The following PRKCA variants were observed in gnomAD, a reference collection of about 807,000 sequenced individuals.
PRKCA encodes protein kinase C alpha.
A neutral mutation model predicts 87.0 loss-of-function variants in PRKCA; 27 were observed. That is an observed-to-expected ratio of 0.31 (90% confidence interval 0.23 to 0.43). The LOEUF (loss-of-function observed/expected upper bound fraction) is 0.43. PRKCA is among the 20% of genes least tolerant of loss of function. PRKCA has a pLI of 1.00. For missense variants in PRKCA, 518 were observed against 852.3 expected (o/e 0.61, Z 4.88); for synonymous variants, 329 against 311.1 (o/e 1.06, Z -0.61).
chr17:66,481,892 G>A (rs1457739230), intron 2 of PRKCA, among the ~76,000 whole-genome samples: 1 of 151,926 alleles, frequency 6.6e-6, no homozygotes, highest in African/African-American at 2.4e-5. Flanking sequence ...CACAAGGTCG[G>A]GAGTTCAAGA....
At chr17:66,663,032 G>A (rs954966965) in intron 5 of PRKCA, among the ~76,000 whole-genome samples, 5 of 152,186 alleles carry the variant, frequency 3.3e-5, no homozygotes, top group African/African-American at 1.2e-4. Flanking sequence ...CTCTTCTGCT[G>A]GCGGATGGAG....
At chr17:66,769,392 A>G (rs891372565) in intron 13 of PRKCA, among the ~76,000 whole-genome samples, 1 of 151,974 alleles carries the variant, frequency 6.6e-6, no homozygotes, top group African/African-American at 2.4e-5. Context: ...AATAGCCAGT[A>G]TGAATCAGAT....
At chr17:66,636,854 A>C (rs1971162816) in intron 3 of PRKCA, among the ~76,000 whole-genome samples, 1 of 152,224 alleles carries the variant, frequency 6.6e-6, no homozygotes, top group Admixed American at 6.5e-5. Flanking sequence ...AGGTCTCCAC[A>C]GTCCTGCTAA....
chr17:66,376,468 C>T (rs1357360540), intron 2 of PRKCA, among the ~76,000 whole-genome samples: 1 of 152,068 alleles, frequency 6.6e-6, no homozygotes, highest in African/African-American at 2.4e-5. Flanking sequence ...ATTATCTGGG[C>T]ATGGTGGTGG....
chr17:66,805,214 T>C lies in PRKCA; in HGVS notation c.*1177T>C. 1 of 873,322 alleles carries C rather than the reference T, an allele frequency of 1.1e-6. No homozygotes were observed. Among genetic ancestry groups the C allele is most frequent in the Non-Finnish European group, 1.4e-6 (1 of 727,838 alleles). The allele number at this position is 873,322 out of a possible 1,614,324, so 54.1% of individuals were successfully genotyped here. A position where few individuals can be genotyped will look rare whatever the true frequency, so the allele number is the denominator to read the frequency against. ...TGTAGAATCAGGAAACCCGGATGCC[T>C]AACAGCTCAAAGATGTTTTGTTAAT... On this transcript the variant is annotated 3_prime_UTR_variant, in exon 17 of 17. Transcript: ENST00000413366.
intron 13 of PRKCA, among the ~76,000 whole-genome samples, chr17:66,753,719 C>T (rs1464506857): frequency 6.6e-6 from 1 of 152,100 alleles, no homozygotes; most frequent in African/African-American, 2.4e-5. Context: ...AGGTGGCGCT[C>T]TGATCTGATA....
chr17:66,336,670 A>AAATT (rs1452629598), intron 2 of PRKCA, among the ~76,000 whole-genome samples: 1 of 151,656 alleles, frequency 6.6e-6, no homozygotes, highest in Non-Finnish European at 1.5e-5. Context: ...CCTATATAGT[A>AAATT]AATTATTAAA....
chr17:66,505,204 A>G (rs2144146244), intron 3 of PRKCA, among the ~76,000 whole-genome samples: 1 of 152,124 alleles, frequency 6.6e-6, no homozygotes, highest in East Asian at 1.9e-4. Flanking sequence ...GACCAAATTA[A>G]TTTAGCCGGG....
chr17:66,650,742 T>C (rs1439501376), intron 5 of PRKCA, among the ~76,000 whole-genome samples: 1 of 152,182 alleles, frequency 6.6e-6, no homozygotes, highest in Non-Finnish European at 1.5e-5. Flanking sequence ...ATATGGAGAC[T>C]CACCCTCATC....
intron 5 of PRKCA, among the ~76,000 whole-genome samples, chr17:66,686,839 T>C (rs557062624): frequency 6.6e-6 from 1 of 152,276 alleles, no homozygotes; most frequent in East Asian, 1.9e-4. Context: ...GCATTTCTAA[T>C]AGATATCTTA....
intron 3 of PRKCA, among the ~76,000 whole-genome samples, chr17:66,581,526 A>G (rs925542312): frequency 6.6e-6 from 1 of 152,150 alleles, no homozygotes; most frequent in Non-Finnish European, 1.5e-5. Flanking sequence ...CCCAGGCTGG[A>G]GTGCAGTGGC....
chr17:66,325,594 C>T (rs1355255889), intron 2 of PRKCA, among the ~76,000 whole-genome samples: 5 of 152,090 alleles, frequency 3.3e-5, no homozygotes, highest in African/African-American at 7.2e-5. Context: ...GTAGAGTGTC[C>T]TATTCATAAA....
At chr17:66,655,652 T>A (rs922465614) in intron 5 of PRKCA, among the ~76,000 whole-genome samples, 3 of 152,184 alleles carry the variant, frequency 2.0e-5, no homozygotes, top group Non-Finnish European at 4.4e-5. Context: ...TAGTGTCTTA[T>A]CTCCTGTACC....
At chr17:66,351,846 G>A (rs899612459) in intron 2 of PRKCA, among the ~76,000 whole-genome samples, 5 of 152,142 alleles carry the variant, frequency 3.3e-5, no homozygotes, top group African/African-American at 9.7e-5. Context: ...AATACCAGGA[G>A]CCAAGGCACT....
intron 1 of PRKCA, among the ~76,000 whole-genome samples, chr17:66,303,484 A>G (rs1027782283): frequency 2.7e-5 from 3 of 110,068 alleles, no homozygotes; most frequent in African/African-American, 1.1e-4. Flanking sequence ...CTGGCGAGCC[A>G]GGCTGGGCGC....
intron 5 of PRKCA, among the ~76,000 whole-genome samples, chr17:66,680,188 A>G (rs1292872334): frequency 1.3e-5 from 2 of 151,910 alleles, no homozygotes; most frequent in African/African-American, 4.8e-5. Flanking sequence ...TTGCATTCAC[A>G]TTTCTTTTGC....
At chr17:66,386,759 T>A (rs1447360147) in intron 2 of PRKCA, among the ~76,000 whole-genome samples, 2 of 152,214 alleles carry the variant, frequency 1.3e-5, no homozygotes, top group African/African-American at 4.8e-5. Context: ...ACCAAGTTAT[T>A]CTTCCACTAG....
intron 3 of PRKCA, among the ~76,000 whole-genome samples, chr17:66,506,555 G>A (rs982101963): frequency 2.5e-4 from 38 of 152,258 alleles, no homozygotes; most frequent in African/African-American, 7.7e-4. Flanking sequence ...ATCACCAGTC[G>A]TATTTATCCG....
chr17:66,472,077 C>A (rs1483380155), intron 2 of PRKCA, among the ~76,000 whole-genome samples: 1 of 152,202 alleles, frequency 6.6e-6, no homozygotes, highest in Admixed American at 6.5e-5. Flanking sequence ...TCCTTTCCTG[C>A]CTCAGCCTTC....
Sources: allele counts gnomAD v4.1 joint callset (sites outside exome capture counted in the v4.1 genomes callset), GRCh38; gene constraint gnomAD v4.1.1; transcripts MANE v1.5; gene names NCBI Gene and HGNC (gene_info 2026-07-23, HGNC 2026-07-21).